YIPF4: variants seen among roughly 807,000 people sequenced by gnomAD.
The protein encoded by YIPF4 is protein YIPF4.
In YIPF4, 18 loss-of-function variants were observed where a neutral mutation model predicts 29.4. The observed-to-expected ratio is 0.61, with a 90% confidence interval of 0.42 to 0.91. The LOEUF (loss-of-function observed/expected upper bound fraction) is 0.91. Among genes scored for constraint, YIPF4 ranks in the 40% least tolerant of loss-of-function variants. The pLI is 0.00. For missense variants in YIPF4, 279 were observed against 282.7 expected (o/e 0.99, Z 0.09); for synonymous variants, 115 against 104.7 (o/e 1.10, Z -0.60).
Position 32,316,573 on chromosome 2 carries a change from TAATA to T in YIPF4, c.*10951_*10954del, listed in dbSNP as rs1314721997. ...ATTATTGTAAGTACAACACTAAAATTAATAAATTGTGTAAATTCTAATATGGATT... is the reference window on the plus strand; with the variant it reads ...ATTATTGTAAGTACAACACTAAAATTAATTGTGTAAATTCTAATATGGATT... On this transcript the variant is annotated 3_prime_UTR_variant, in exon 6 of 6. Transcript: ENST00000238831. The T allele has an allele frequency of 6.6e-6, 1 of 152,172 alleles. No homozygotes were observed. Among genetic ancestry groups the T allele is most frequent in the South Asian group, 2.1e-4 (1 of 4,834 alleles). The allele number at this position is 152,172 out of a possible 1,614,324, so 9.4% of individuals were successfully genotyped here. A position where few individuals can be genotyped will look rare whatever the true frequency, so the allele number is the denominator to read the frequency against.
intron 2 of YIPF4, 63 bp downstream of exon 2, chr2:32,290,699 C>T (rs556416154): frequency 8.8e-7 from 1 of 1,142,210 alleles, no homozygotes; most frequent in African/African-American, 1.6e-5. Context: ...TGATTATATT[C>T]TTCTTGTTAT....
intron 1 of YIPF4, among the ~76,000 whole-genome samples, chr2:32,279,622 G>A (rs1178946903): frequency 1.4e-5 from 2 of 146,930 alleles, no homozygotes; most frequent in Non-Finnish European, 3.0e-5. Context: ...TGTTAGCCAG[G>A]ATGGTCTCGA....
intron 3 of YIPF4, among the ~76,000 whole-genome samples, chr2:32,292,753 A>T (rs1458147415): frequency 1.3e-5 from 2 of 150,716 alleles, no homozygotes; most frequent in African/African-American, 4.9e-5. Context: ...AATCCCAGCT[A>T]CTCGGGAAGC....
chr2:32,284,620 A>G (rs1254119756), intron 1 of YIPF4, among the ~76,000 whole-genome samples: 1 of 152,196 alleles, frequency 6.6e-6, no homozygotes, highest in Non-Finnish European at 1.5e-5. Flanking sequence ...TGCTTCCTGT[A>G]GAGCCTGTGG....
In YIPF4 at chr2:32,312,494, A is replaced by AC. The variant is rs1258173981; in HGVS notation, c.*6868_*6869insC. Reference sequence around the variant, plus strand: ...CAGAGCGAGAATCCGTCTCAAAAAAAAAAAAAAAAAAAAAAAAAAAAAAAA... The same window carrying AC: ...CAGAGCGAGAATCCGTCTCAAAAAAACAAAAAAAAAAAAAAAAAAAAAAAAA... On this transcript the variant is annotated 3_prime_UTR_variant, in exon 6 of 6. Transcript: ENST00000238831. The AC allele has an allele frequency of 4.2e-5, 6 of 143,204 alleles. No homozygotes were observed. In the East Asian group the frequency reaches 7.9e-4, roughly 19 times the overall value. The allele number at this position is 143,204 out of a possible 1,614,324, so 8.9% of individuals were successfully genotyped here. A position where few individuals can be genotyped will look rare whatever the true frequency, so the allele number is the denominator to read the frequency against.
intron 3 of YIPF4, among the ~76,000 whole-genome samples, chr2:32,294,283 G>C (rs546532969): frequency 6.6e-6 from 1 of 150,732 alleles, no homozygotes; most frequent in Admixed American, 6.6e-5. Flanking sequence ...GGCGGCTGCC[G>C]GGTGGAGGGG....
At chr2:32,285,396 G>C (rs951477177) in intron 1 of YIPF4, among the ~76,000 whole-genome samples, 1 of 152,092 alleles carries the variant, frequency 6.6e-6, no homozygotes, top group East Asian at 1.9e-4. Flanking sequence ...GAAGAGGACT[G>C]GACTCAATAT....
intron 4 of YIPF4, among the ~76,000 whole-genome samples, chr2:32,298,603 C>T (rs1190858346): frequency 3.3e-5 from 5 of 152,108 alleles, no homozygotes; most frequent in African/African-American, 4.8e-5. Flanking sequence ...GCTTTGTCAT[C>T]CTGCTGCAGT....
At position 32,310,421 on chromosome 2, in the gene YIPF4, G is replaced by A. The variant is rs149668512; in HGVS notation, c.*4795G>A. The A allele has an allele frequency of 2.6e-5, 4 of 152,174 alleles. No homozygotes were observed. Among genetic ancestry groups the A allele is most frequent in the South Asian group, 2.1e-4 (1 of 4,824 alleles). 9.4% of individuals were successfully genotyped at this position (152,174 alleles called of 1,614,324 possible). On this transcript the variant is annotated 3_prime_UTR_variant, in exon 6 of 6. Coordinates refer to ENST00000238831, the MANE Select transcript of YIPF4 (RefSeq NM_032312.4). ...TGTGTACAGCTGTTCCTCTATATACGAAGGGGATTGGTACCAGAACCACTG... is the reference window on the plus strand; with the variant it reads ...TGTGTACAGCTGTTCCTCTATATACAAAGGGGATTGGTACCAGAACCACTG...
At chr2:32,288,559 A>G (rs751584411) in intron 1 of YIPF4, among the ~76,000 whole-genome samples, 8 of 152,202 alleles carry the variant, frequency 5.3e-5, no homozygotes, top group Non-Finnish European at 8.8e-5. Context: ...CTGTAATCCC[A>G]GCACTTGGGG....
chr2:32,292,274 G>A lies in YIPF4; in HGVS notation c.331G>A (p.Asp111Asn). 6.2e-7 allele frequency: 1 copy of A among 1,605,994 alleles called. No individual in the cohort carries two copies. The highest frequency in any genetic ancestry group is 2.2e-5 in the East Asian group (1 of 44,652). The change falls in exon 3 of 6, where the codon GAC (aspartate) becomes AAC (asparagine). Residue 111 changes from aspartate (D) to asparagine (N), a missense_variant. Physicochemically the swap from Asp to Asn is conservative, Grantham distance 23. Coordinates refer to ENST00000238831, the MANE Select transcript of YIPF4 (RefSeq NM_032312.4). Reference sequence around the variant, plus strand: ...TGGTTTTAATAGACAAGTGGTGAGAGACAATCCTGACTTTTGGGGTCCTCT... The same window carrying A: ...TGGTTTTAATAGACAAGTGGTGAGAAACAATCCTGACTTTTGGGGTCCTCT... ...SLGFNRQVVR[D>N]NPDFWGPLAV... is the part of the protein sequence containing the mutation.
intron 1 of YIPF4, among the ~76,000 whole-genome samples, chr2:32,281,944 C>T (rs1450586984): frequency 1.3e-5 from 2 of 149,694 alleles, no homozygotes; most frequent in African/African-American, 4.9e-5. Flanking sequence ...CACCTGTGGT[C>T]CCAGCTACCA....
chr2:32,279,577 T>A (rs1421861394), intron 1 of YIPF4, among the ~76,000 whole-genome samples: 1 of 81,606 alleles, frequency 1.2e-5, no homozygotes, highest in Non-Finnish European at 2.6e-5. Flanking sequence ...TTTTTTTTTT[T>A]TGTATTTTTT....
chr2:32,312,346 GGC>G lies in YIPF4; in HGVS notation c.*6722_*6723del, dbSNP rs1441621580. On this transcript the variant is annotated 3_prime_UTR_variant, in exon 6 of 6. Coordinates refer to ENST00000238831, the MANE Select transcript of YIPF4 (RefSeq NM_032312.4). ...TACTAAAAATACCAAAAATTAGCCG[GGC>G]GTGGCAGCGGGCGCCTGTAGTCTCA... The G allele has an allele frequency of 6.6e-6, 1 of 151,368 alleles. No individual in the cohort carries two copies. Among genetic ancestry groups the G allele is most frequent in the Non-Finnish European group, 1.5e-5 (1 of 67,924 alleles). 9.4% of individuals were successfully genotyped at this position (151,368 alleles called of 1,614,324 possible).
At chr2:32,297,326 G>C (rs1246492879) in intron 3 of YIPF4, among the ~76,000 whole-genome samples, 1 of 151,854 alleles carries the variant, frequency 6.6e-6, no homozygotes, top group Non-Finnish European at 1.5e-5. Context: ...TCTCCATGTT[G>C]GTCAGGCTGG....
intron 4 of YIPF4, among the ~76,000 whole-genome samples, chr2:32,299,707 G>A (rs1047879031): frequency 1.3e-5 from 2 of 152,148 alleles, no homozygotes; most frequent in African/African-American, 4.8e-5. Context: ...CCAGCTACTA[G>A]GGACTGAGGC....
chr2:32,283,273 T>G (rs2030513951), intron 1 of YIPF4, among the ~76,000 whole-genome samples: 1 of 152,210 alleles, frequency 6.6e-6, no homozygotes, highest in African/African-American at 2.4e-5. Context: ...CTCCGGGTCT[T>G]TTCCCTGGTT....
chr2:32,294,002 C>A (rs1355448074), intron 3 of YIPF4, among the ~76,000 whole-genome samples: 1 of 146,920 alleles, frequency 6.8e-6, no homozygotes, highest in Non-Finnish European at 1.5e-5. Context: ...CTGATCCCCC[C>A]ACCTCCCTCC....
At chr2:32,302,309 G>A (rs1364350417) in intron 5 of YIPF4, among the ~76,000 whole-genome samples, 3 of 151,850 alleles carry the variant, frequency 2.0e-5, no homozygotes, top group Non-Finnish European at 1.5e-5. Context: ...GATTACAAGC[G>A]TGAGCCACTG....
Sources: allele counts gnomAD v4.1 joint callset (sites outside exome capture counted in the v4.1 genomes callset), GRCh38; gene constraint gnomAD v4.1.1; transcripts MANE v1.5; gene names NCBI Gene and HGNC (gene_info 2026-07-23, HGNC 2026-07-21).